Variants in GPHN observed in about 807,000 individuals in gnomAD.
GPHN encodes the protein gephyrin.
GPHN carries 17 observed loss-of-function variants against 95.5 expected under a neutral mutation model. The observed-to-expected ratio is 0.18, with a 90% CI of 0.12 to 0.27. GPHN has a LOEUF of 0.27. GPHN is among the 10% of genes least tolerant of loss of function. The pLI is 1.00. For missense variants in GPHN, 660 were observed against 978.1 expected (o/e 0.67, Z 4.34); for synonymous variants, 320 against 322.5 (o/e 0.99, Z 0.08).
chr14:67,395,504 G>T, the GPHN span: 5 of 1,613,998 alleles, frequency 3.1e-6, no homozygotes, highest in Admixed American at 1.7e-5. Flanking sequence ...GATCTCAAAG[G>T]CCCAGGCATC....
chr14:67,076,526 C>A (rs1476778175), intron 11 of GPHN, among the ~76,000 whole-genome samples: 3 of 152,028 alleles, frequency 2.0e-5, no homozygotes, highest in South Asian at 2.1e-4. Context: ...CCCTCTTAAT[C>A]CTTAGCCTTA....
chr14:67,330,066 G>T, the GPHN span, among the ~76,000 whole-genome samples: 2 of 149,638 alleles, frequency 1.3e-5, no homozygotes, highest in African/African-American at 4.9e-5. Flanking sequence ...TGGTAAGAGA[G>T]AATATATGCC....
chr14:66,830,096 G>T (rs765716783), intron 4 of GPHN, among the ~76,000 whole-genome samples: 1 of 152,072 alleles, frequency 6.6e-6, no homozygotes, highest in Admixed American at 6.6e-5. Flanking sequence ...AAACAAGACC[G>T]CATAGCCTAT....
chr14:67,207,259 C>T, the GPHN span, among the ~76,000 whole-genome samples: 2 of 152,036 alleles, frequency 1.3e-5, no homozygotes, highest in East Asian at 3.9e-4. Flanking sequence ...CTGGCATCTG[C>T]TTCAGGTGAG....
the GPHN span, among the ~76,000 whole-genome samples, chr14:67,292,244 C>T: frequency 1.3e-5 from 2 of 152,028 alleles, no homozygotes; most frequent in Non-Finnish European, 2.9e-5. Context: ...TTTTTGCATT[C>T]CTCCCCTCAC....
At chr14:67,297,898 A>C in the GPHN span, among the ~76,000 whole-genome samples, 2 of 152,214 alleles carry the variant, frequency 1.3e-5, no homozygotes, top group African/African-American at 2.4e-5. Flanking sequence ...CCCTATTGAT[A>C]ATTTTAGATC....
the GPHN span, among the ~76,000 whole-genome samples, chr14:67,709,117 G>A: frequency 6.6e-6 from 1 of 152,116 alleles, no homozygotes; most frequent in Non-Finnish European, 1.5e-5. Flanking sequence ...GATTAATTAG[G>A]TCAGAAAAAG....
chr14:67,283,472 A>G, the GPHN span, among the ~76,000 whole-genome samples: 23,564 of 152,178 alleles, frequency 0.15, 3,447 homozygotes, highest in East Asian at 0.42. Context: ...CAAAATCCCA[A>G]TGCCAGTAAA....
chr14:66,835,245 C>G (rs927332160), intron 4 of GPHN, among the ~76,000 whole-genome samples: 2 of 145,254 alleles, frequency 1.4e-5, no homozygotes, highest in African/African-American at 2.6e-5. Context: ...TTTTTTGTGT[C>G]TCTATTTCCT....
At chr14:66,990,434 C>G (rs2071334428) in intron 9 of GPHN, among the ~76,000 whole-genome samples, 1 of 152,160 alleles carries the variant, frequency 6.6e-6, no homozygotes, top group Non-Finnish European at 1.5e-5. Context: ...TTCTGAGGAT[C>G]TTCTCATGAG....
intron 4 of GPHN, among the ~76,000 whole-genome samples, chr14:66,876,919 G>A (rs146584740): frequency 0.013 from 1,903 of 152,046 alleles, 19 homozygotes; most frequent in Non-Finnish European, 0.018. Flanking sequence ...TCCTGATACC[G>A]AAACCTGAGA....
At chr14:66,976,981 A>G (rs144546567) in intron 9 of GPHN, among the ~76,000 whole-genome samples, 4 of 151,864 alleles carry the variant, frequency 2.6e-5, no homozygotes, top group East Asian at 1.9e-4. Flanking sequence ...AAATTTTGCA[A>G]TCAAATTGAT....
At chr14:67,593,985 T>C in the GPHN span, 1 of 1,416,662 alleles carries the variant, frequency 7.1e-7, no homozygotes, top group South Asian at 1.2e-5. Flanking sequence ...ACAGTAAGAT[T>C]ACCAAGTGGT....
chr14:66,872,508 A>G (rs533986030), intron 4 of GPHN, among the ~76,000 whole-genome samples: 109 of 152,154 alleles, frequency 7.2e-4, no homozygotes, highest in Non-Finnish European at 6.5e-4. Flanking sequence ...TCAAAAATGA[A>G]ATTTTCTTGT....
At chr14:67,692,819 A>C in the GPHN span, 1 of 901,512 alleles carries the variant, frequency 1.1e-6, no homozygotes, top group South Asian at 1.6e-5. Flanking sequence ...AAATCAGTGG[A>C]ATCCTTAGGT....
chr14:67,296,079 T>C, the GPHN span, among the ~76,000 whole-genome samples: 1 of 151,998 alleles, frequency 6.6e-6, no homozygotes, highest in Non-Finnish European at 1.5e-5. Context: ...GAGATGTGCC[T>C]AATTCTGTTT....
In GPHN at chr14:66,584,121, C is replaced by G. The variant is rs2061322700; in HGVS notation, c.64+75530C>G. On this transcript the variant is annotated intron_variant, in intron 1 of 22. Coordinates refer to ENST00000478722, the MANE Select transcript of GPHN (RefSeq NM_020806.5). ...CTTCACATCCCTTGTAAGTTGGATT[C>G]CTAGGTATTTTATTCTCTTTGTAGC... Among the ~76,000 whole-genome samples, 7 of 152,016 alleles carry G rather than the reference C, an allele frequency of 4.6e-5. 1 individual carries two copies. The South Asian group carries it at 1.5e-3, about 31-fold the overall frequency.
chr14:66,667,099 A>G (rs1403909607), intron 1 of GPHN, among the ~76,000 whole-genome samples: 1 of 152,216 alleles, frequency 6.6e-6, no homozygotes, highest in Non-Finnish European at 1.5e-5. Flanking sequence ...AGATCTCTGC[A>G]AGGAGAACTA....
At position 67,016,157 on chromosome 14, in the gene GPHN, T is replaced by C. The variant is rs377729805; in HGVS notation, c.964-7476T>C. Among the ~76,000 whole-genome samples the C allele has an allele frequency of 1.1e-4, 16 of 152,302 alleles. No homozygotes were observed. In the South Asian group the frequency reaches 3.3e-3, roughly 32 times the overall value. ...CAGATAAAAGGAGGCTTGGAAATTA[T>C]CTGGCTCAGAGACTTTTAACCTTTT... On this transcript the variant is annotated intron_variant, in intron 9 of 22. Transcript: ENST00000478722.
Sources: gnomAD v4.1 joint callset for allele counts (sites outside exome capture counted in the v4.1 genomes callset) on GRCh38, gnomAD v4.1.1 for gene constraint, MANE v1.5 for transcripts, NCBI Gene and HGNC (gene_info 2026-07-23, HGNC 2026-07-21) for gene names.